The following RNF212B variants were observed in gnomAD, a reference collection of about 807,000 sequenced individuals.
The protein encoded by RNF212B is E3 ubiquitin-protein ligase RNF212B.
A neutral mutation model predicts 55.5 loss-of-function variants in RNF212B; 52 were observed. That is an observed-to-expected ratio of 0.94 (90% CI 0.75 to 1.18). The LOEUF (loss-of-function observed/expected upper bound fraction) is 1.18, where lower values mean the gene tolerates loss of function less well. Ranked by LOEUF, RNF212B falls within the 50% of genes most tolerant of loss-of-function variation. The pLI, the probability that RNF212B is intolerant of heterozygous loss-of-function variation, is 0.00. For missense variants in RNF212B, 289 were observed against 350.4 expected (o/e 0.82, Z 1.40); for synonymous variants, 99 against 121.4 (o/e 0.82, Z 1.21).
chr14:23,266,462 A>AG (rs1566441272), intron 11 of RNF212B, among the ~76,000 whole-genome samples: 1 of 117,120 alleles, frequency 8.5e-6, no homozygotes, highest in East Asian at 2.6e-4. Flanking sequence ...CCCAGGCTGG[A>AG]GTGCAGTGGT....
At chr14:23,240,534 A>G in intron 2 of RNF212B, 89 bp downstream of exon 2, 1 of 768,598 alleles carries the variant, frequency 1.3e-6, no homozygotes. Context: ...GACTTAGGAT[A>G]AAAATCACTT....
chr14:23,210,755 T>C (rs1594881389), intron 2 of RNF212B, among the ~76,000 whole-genome samples: 1 of 111,138 alleles, frequency 9.0e-6, no homozygotes, highest in Non-Finnish European at 1.7e-5. Context: ...CCAGTCCAGG[T>C]GACAGTGTGA....
intron 2 of RNF212B, among the ~76,000 whole-genome samples, chr14:23,208,777 G>GTTT (rs1880134380): frequency 3.6e-5 from 1 of 28,108 alleles, no homozygotes; most frequent in Non-Finnish European, 9.3e-5. Flanking sequence ...TTTTTTTTTT[G>GTTT]AGACGGAGTC....
At chr14:23,195,761 A>G (rs1295903398) in intron 2 of RNF212B, among the ~76,000 whole-genome samples, 7 of 152,234 alleles carry the variant, frequency 4.6e-5, no homozygotes, top group Non-Finnish European at 5.9e-5. Context: ...AGCAATCACT[A>G]TGTGCCAGAC....
chr14:23,234,942 G>A (rs947945642), upstream of RNF212B, among the ~76,000 whole-genome samples: 2 of 152,216 alleles, frequency 1.3e-5, no homozygotes, highest in South Asian at 2.1e-4. Flanking sequence ...GGCTGGGTAC[G>A]GTGGCTCATA....
At chr14:23,249,093 C>T (rs1362913004) in intron 4 of RNF212B, among the ~76,000 whole-genome samples, 4 of 152,140 alleles carry the variant, frequency 2.6e-5, no homozygotes, top group Admixed American at 1.3e-4. Flanking sequence ...TGTTTGCTGA[C>T]CCTTGGTCTA....
At position 23,225,487 on chromosome 14, in the gene RNF212B, G is replaced by A. The variant is rs192468591; in HGVS notation, c.-1-14858G>A. Among the ~76,000 whole-genome samples the A allele has an allele frequency of 6.5e-3, 991 of 152,284 alleles. 3 individuals carry two copies. Among genetic ancestry groups the A allele is most frequent in the Middle Eastern group, 0.01 (3 of 294 alleles). ...GTACTATTCAGCCATAAACAAGAAT[G>A]AGATTCTGTCATTTGTAGCAACATG... On this transcript the variant is annotated intron_variant, in intron 2 of 15. Transcript: ENST00000399910.
chr14:23,195,685 C>T (rs1878592202), intron 2 of RNF212B, among the ~76,000 whole-genome samples: 1 of 152,184 alleles, frequency 6.6e-6, no homozygotes, highest in Non-Finnish European at 1.5e-5. Context: ...TAATACTCCT[C>T]AGTAGAGATG....
chr14:23,268,921 C>T lies in RNF212B; in HGVS notation c.635-3C>T, dbSNP rs1210347738. On this transcript the variant is annotated splice_region_variant and splice_polypyrimidine_tract_variant and intron_variant, in intron 11 of 14. Transcript: ENST00000430154. ...CTCACAGGCTTATTTTTATGCTTTC[C>T]AGAAACCCCTTCACCGGCTTCAACT... 41 of 1,549,954 alleles carry T rather than the reference C, an allele frequency of 2.6e-5. No individual in the cohort carries two copies. Among genetic ancestry groups the T allele is most frequent in the Non-Finnish European group, 3.5e-5 (40 of 1,146,270 alleles).
chr14:23,243,650 C>T (rs144766756), intron 3 of RNF212B, among the ~76,000 whole-genome samples: 15 of 143,554 alleles, frequency 1.0e-4, no homozygotes, highest in Admixed American at 6.5e-4. Flanking sequence ...GAGCTGAGCT[C>T]GCGCCACTGC....
intron 6 of RNF212B, 135 bp from the exon 7 acceptor site, chr14:23,260,524 T>C: frequency 1.3e-6 from 1 of 752,048 alleles, no homozygotes; most frequent in South Asian, 1.6e-5. Flanking sequence ...CTGCTGCTAC[T>C]TTTCCTCCTA....
In RNF212B at chr14:23,220,183, G is replaced by A. The variant is rs937928286; in HGVS notation, c.-1-20162G>A. ...TGGGCAACAAGAGCAAAACTGTCTC[G>A]GGAAAAACAAAAACAAAAACAAAAA... On this transcript the variant is annotated intron_variant, in intron 2 of 15. Transcript: ENST00000399910. Among the ~76,000 whole-genome samples the A allele has an allele frequency of 5.0e-5, 7 of 140,404 alleles. No individual in the cohort carries two copies. In the East Asian group the frequency reaches 1.5e-3, roughly 30 times the overall value. 92.1% of individuals were successfully genotyped at this position (140,404 alleles called of 152,430 possible). A position where few individuals can be genotyped will look rare whatever the true frequency, so the allele number is the denominator to read the frequency against.
chr14:23,261,384 C>T (rs1239414765), intron 7 of RNF212B: 1 of 152,284 alleles, frequency 6.6e-6, no homozygotes, highest in African/African-American at 2.4e-5. Context: ...TAGTACAGGT[C>T]TTTAAATAAA....
intron 3 of RNF212B, 111 bp from the exon 4 acceptor site, chr14:23,244,211 G>GTCGCCGT: frequency 1.8e-6 from 1 of 557,794 alleles, no homozygotes; most frequent in Non-Finnish European, 3.1e-6. Flanking sequence ...ACACACAGTG[G>GTCGCCGT]AGATAATGTC....
rs1883623160 is a variant in RNF212B at position 23,242,082 on chromosome 14, A to AG, written c.101-1174_101-1173insG. On this transcript the variant is annotated intron_variant, in intron 2 of 14. Coordinates refer to ENST00000430154, the MANE Select transcript of RNF212B (RefSeq NM_001282322.3). ...GGGCGACAGAGCAAGACTCCGTCTCAAAAAAAAAAAAAAAAAAAAAAAAAA... is the reference window on the plus strand; with the variant it reads ...GGGCGACAGAGCAAGACTCCGTCTCAGAAAAAAAAAAAAAAAAAAAAAAAAA... Among the ~76,000 whole-genome samples the AG allele has an allele frequency of 1.6e-4, 15 of 94,602 alleles. No homozygotes were observed. In the South Asian group the frequency reaches 5.3e-3, roughly 34 times the overall value. 62.1% of individuals were successfully genotyped at this position (94,602 alleles called of 152,430 possible).
At chr14:23,201,554 G>A (rs946361073) in intron 2 of RNF212B, among the ~76,000 whole-genome samples, 2 of 152,104 alleles carry the variant, frequency 1.3e-5, no homozygotes, top group African/African-American at 2.4e-5. Flanking sequence ...AATGCTTCCT[G>A]TATAATTTTT....
intron 4 of RNF212B, among the ~76,000 whole-genome samples, chr14:23,254,287 A>AAAAAC (rs371325887): frequency 7.9e-4 from 65 of 82,272 alleles, no homozygotes; most frequent in East Asian, 1.3e-3. Context: ...TCTTTATCTC[A>AAAAAC]AAAACAAAAC....
chr14:23,230,146 A>G (rs1344439886), intron 2 of RNF212B: 1 of 160,672 alleles, frequency 6.2e-6, no homozygotes, highest in Non-Finnish European at 1.4e-5. Context: ...TACACACCAC[A>G]ATGGTGGAAA....
intron 2 of RNF212B, among the ~76,000 whole-genome samples, chr14:23,212,615 G>A (rs76036479): frequency 0.086 from 12,989 of 151,134 alleles, 1,436 homozygotes; most frequent in African/African-American, 0.26. Context: ...TCGCTCTGTC[G>A]CCCAGGCCCA....
Sources: gnomAD v4.1 joint callset for allele counts (sites outside exome capture counted in the v4.1 genomes callset) on GRCh38, gnomAD v4.1.1 for gene constraint, MANE v1.5 for transcripts, NCBI Gene and HGNC (gene_info 2026-07-23, HGNC 2026-07-21) for gene names.